CALN1: variants seen among roughly 807,000 people sequenced by gnomAD.
The protein encoded by CALN1 is calcium-binding protein 8.
Under a neutral mutation model 30.6 loss-of-function variants are expected in CALN1, and 17 were observed. The observed-to-expected ratio is 0.56, with a 90% CI of 0.38 to 0.83. The LOEUF is 0.83. CALN1 is among the 40% of genes least tolerant of loss of function. The pLI is 0.00. For missense variants in CALN1, 291 were observed against 354.9 expected, an observed-to-expected ratio of 0.82 and a Z score of 1.45; for synonymous variants, 156 against 131.4, an observed-to-expected ratio of 1.19 and a Z score of -1.28.
chr7:72,427,480 G>C (rs1182756129), intron 1 of CALN1, among the ~76,000 whole-genome samples: 1 of 152,056 alleles, frequency 6.6e-6, no homozygotes, highest in Admixed American at 6.6e-5. Context: ...TGCAGAGAAA[G>C]ATACTCTGTA....
intron 4 of CALN1, among the ~76,000 whole-genome samples, chr7:72,099,391 T>TA (rs1806483370): frequency 6.6e-6 from 1 of 151,446 alleles, no homozygotes; most frequent in South Asian, 2.1e-4. Context: ...GAAACTTAAT[T>TA]AGGTAGGCTC....
chr7:72,205,421 C>CT (rs1791755294), intron 3 of CALN1, among the ~76,000 whole-genome samples: 2 of 150,640 alleles, frequency 1.3e-5, no homozygotes, highest in Admixed American at 1.3e-4. Flanking sequence ...AGGCTGGTCT[C>CT]TAACTCCTGA....
intron 1 of CALN1, among the ~76,000 whole-genome samples, chr7:72,429,848 T>C (rs1807917689): frequency 6.6e-6 from 1 of 151,188 alleles, no homozygotes; most frequent in South Asian, 2.1e-4. Flanking sequence ...AGATGGAGTC[T>C]TGCTCTGTCA....
chr7:72,144,495 A>G (rs1810202721), intron 3 of CALN1, among the ~76,000 whole-genome samples: 1 of 152,204 alleles, frequency 6.6e-6, no homozygotes, highest in Non-Finnish European at 1.5e-5. Flanking sequence ...AGACCTACAA[A>G]GAGATTAGAC....
At chr7:71,871,484 C>T (rs1182832729) in intron 5 of CALN1, among the ~76,000 whole-genome samples, 1 of 152,180 alleles carries the variant, frequency 6.6e-6, no homozygotes, top group Admixed American at 6.5e-5. Flanking sequence ...CCACAGCTCA[C>T]TCCTGTAATC....
intron 5 of CALN1, among the ~76,000 whole-genome samples, chr7:71,876,631 G>A (rs947569670): frequency 7.2e-5 from 11 of 152,132 alleles, no homozygotes; most frequent in African/African-American, 2.7e-4. Context: ...AAGGGGGGGA[G>A]AATGTGATTT....
chr7:72,210,617 A>C (rs1049096304), intron 3 of CALN1, among the ~76,000 whole-genome samples: 1 of 152,166 alleles, frequency 6.6e-6, no homozygotes, highest in African/African-American at 2.4e-5. Flanking sequence ...GACTGAACTC[A>C]GGAGGAACTA....
the CALN1 span, among the ~76,000 whole-genome samples, chr7:72,502,955 C>A: frequency 1.3e-5 from 2 of 152,124 alleles, no homozygotes; most frequent in East Asian, 3.9e-4. Flanking sequence ...GAGTTCGAGA[C>A]CAGCCTGGCC....
chr7:72,005,917 TG>T (rs762436080), intron 5 of CALN1, among the ~76,000 whole-genome samples: 6 of 152,190 alleles, frequency 3.9e-5, no homozygotes, highest in Non-Finnish European at 8.8e-5. Flanking sequence ...TAAAACTGTA[TG>T]GAAGTCAACA....
At chr7:72,374,864 C>T (rs1368893438) in intron 2 of CALN1, among the ~76,000 whole-genome samples, 1 of 152,082 alleles carries the variant, frequency 6.6e-6, no homozygotes, top group Non-Finnish European at 1.5e-5. Flanking sequence ...AATAGCTCAA[C>T]CTCTCAATTT....
At chr7:72,253,555 A>T (rs530475081) in intron 3 of CALN1, among the ~76,000 whole-genome samples, 1 of 152,294 alleles carries the variant, frequency 6.6e-6, no homozygotes, top group East Asian at 1.9e-4. Flanking sequence ...GAAGCAAGAG[A>T]AACAGAGAAC....
chr7:72,117,061 C>T (rs1395236646), intron 3 of CALN1, among the ~76,000 whole-genome samples: 1 of 152,074 alleles, frequency 6.6e-6, no homozygotes, highest in Admixed American at 6.6e-5. Flanking sequence ...GCCTGTAATT[C>T]CAGCACTTTG....
At chr7:72,269,697 T>C (rs1796845034) in intron 3 of CALN1, among the ~76,000 whole-genome samples, 1 of 152,184 alleles carries the variant, frequency 6.6e-6, no homozygotes, top group South Asian at 2.1e-4. Flanking sequence ...TTGAATTACC[T>C]ACTAGAACAA....
chr7:72,451,358 AAGT>A (rs1486629709), upstream of CALN1, among the ~76,000 whole-genome samples: 42 of 139,124 alleles, frequency 3.0e-4, no homozygotes, highest in African/African-American at 1.1e-3. Flanking sequence ...AGAAGAGAAA[AAGT>A]AGAAAAAATA....
chr7:71,977,712 AC>A (rs749278233), intron 5 of CALN1, among the ~76,000 whole-genome samples: 1 of 152,036 alleles, frequency 6.6e-6, no homozygotes, highest in Non-Finnish European at 1.5e-5. Flanking sequence ...CCAGTGGATC[AC>A]CTGAGGTCAG....
In CALN1 at chr7:71,828,086, G is replaced by A. The variant is rs182031378; in HGVS notation, c.502-17594C>T. On this transcript the variant is annotated intron_variant, in intron 5 of 6. Transcript: ENST00000395275. ...TCACCATGCTGAAGTGCATTTCCTC[G>A]GGTAAAATTATAGGTATGGTTTTGG... 2.4e-3 allele frequency among the ~76,000 whole-genome samples: 360 copies of A among 152,180 alleles called. 5 individuals are homozygous for A. In the South Asian group the frequency reaches 0.032, roughly 14 times the overall value.
intron 2 of CALN1, among the ~76,000 whole-genome samples, chr7:72,358,734 A>AG (rs1467021840): frequency 6.6e-6 from 1 of 152,058 alleles, no homozygotes; most frequent in Non-Finnish European, 1.5e-5. Context: ...GCAGATCACG[A>AG]GGTTAGGAGT....
chr7:72,349,058 T>C (rs1050495717), intron 2 of CALN1, among the ~76,000 whole-genome samples: 2 of 152,098 alleles, frequency 1.3e-5, no homozygotes, highest in African/African-American at 4.8e-5. Flanking sequence ...TGCTGAAAAA[T>C]GTATACTTAA....
rs144535302 is a variant in CALN1 at position 72,356,859 on chromosome 7, T to C, written c.119+46392A>G. Among the ~76,000 whole-genome samples the C allele has an allele frequency of 8.8e-4, 134 of 152,144 alleles. 2 individuals are homozygous for C. Among genetic ancestry groups the C allele is most frequent in the African/African-American group, 2.9e-3 (120 of 41,394 alleles). On this transcript the variant is annotated intron_variant, in intron 2 of 6. Coordinates refer to ENST00000395275, the MANE Select transcript of CALN1 (RefSeq NM_031468.4). ...ATGTTGAAACGGATCTGATTAAACA[T>C]AGCTGCTTCAGGGCAGTGAGAAAGC...
Sources: gnomAD v4.1 joint callset for allele counts (sites outside exome capture counted in the v4.1 genomes callset) on GRCh38, gnomAD v4.1.1 for gene constraint, MANE v1.5 for transcripts, NCBI Gene and HGNC (gene_info 2026-07-23, HGNC 2026-07-21) for gene names.